IKZF3: variants seen among roughly 807,000 people sequenced by gnomAD.
IKZF3 encodes the protein zinc finger protein Aiolos.
A neutral mutation model predicts 49.0 loss-of-function variants in IKZF3; 10 were observed. That is an observed-to-expected ratio of 0.20 (90% CI 0.13 to 0.35). The LOEUF (loss-of-function observed/expected upper bound fraction) is 0.35. Ranked by LOEUF, IKZF3 falls within the 10% of genes least tolerant of loss-of-function variation. The probability of loss-of-function intolerance (pLI) is 1.00; values close to 1 mark genes in which losing one functional copy is unlikely to be tolerated. For synonymous variants in IKZF3, 209 were observed against 228.2 expected, an observed-to-expected ratio of 0.92 and a Z score of 0.76; for missense variants, 498 against 664.8, an observed-to-expected ratio of 0.75 and a Z score of 2.76.
Position 39,777,643 on chromosome 17 carries a change from A to G in IKZF3, c.826+8T>C. Reference sequence around the variant, plus strand: ...TAACAACAGCAGGAAAAAGGTTTGTATTCTTACCAATGAATTTCTGAGGCA... The same window carrying G: ...TAACAACAGCAGGAAAAAGGTTTGTGTTCTTACCAATGAATTTCTGAGGCA... On this transcript the variant is annotated splice_region_variant and intron_variant, in intron 7 of 7. Transcript: ENST00000346872. 1 of 1,596,728 alleles carries G rather than the reference A, an allele frequency of 6.3e-7. No individual in the cohort carries two copies. Among genetic ancestry groups the G allele is most frequent in the Admixed American group, 1.7e-5 (1 of 59,828 alleles).
At chr17:39,801,099 GC>G (rs2061305412) in intron 3 of IKZF3, among the ~76,000 whole-genome samples, 2 of 152,168 alleles carry the variant, frequency 1.3e-5, no homozygotes, top group African/African-American at 4.8e-5. Flanking sequence ...CCTCAGGTCT[GC>G]CGGAGATATT....
At chr17:39,795,521 C>T (rs754039630) in intron 3 of IKZF3, among the ~76,000 whole-genome samples, 1 of 152,064 alleles carries the variant, frequency 6.6e-6, no homozygotes, top group African/African-American at 2.4e-5. Context: ...ATTCTCCTGC[C>T]TCAGCCTCCC....
chr17:39,832,322 GA>G (rs1010111323), intron 1 of IKZF3, among the ~76,000 whole-genome samples, 171 bp from the exon 2 acceptor site: 24 of 150,312 alleles, frequency 1.6e-4, no homozygotes, highest in Non-Finnish European at 2.8e-4. Context: ...CAAGGAGCAT[GA>G]AAAAAAAATA....
chr17:39,856,024 T>TGTACAATATAACATGTATATTGTAC (rs1568073517), intron 1 of IKZF3, among the ~76,000 whole-genome samples: 1 of 133,902 alleles, frequency 7.5e-6, no homozygotes, highest in East Asian at 2.0e-4. Flanking sequence ...GTATATTGTA[T>TGTACAATATAACATGTATATTGTAC]ATGTACAATA....
chr17:39,812,253 C>T (rs1287536609), intron 3 of IKZF3, among the ~76,000 whole-genome samples: 3 of 152,186 alleles, frequency 2.0e-5, no homozygotes, highest in African/African-American at 7.2e-5. Flanking sequence ...CGACACTATT[C>T]TCTTTCATGC....
At chr17:39,787,824 C>A (rs1381803379) in intron 6 of IKZF3, among the ~76,000 whole-genome samples, 2 of 152,224 alleles carry the variant, frequency 1.3e-5, no homozygotes, top group Non-Finnish European at 2.9e-5. Flanking sequence ...AGAGTAAAAG[C>A]CAAAGCCTTT....
rs1359421034 is a variant in IKZF3, at chr17:39,760,679, T to G, written c.*5111A>C. The G allele has an allele frequency of 6.6e-6, 1 of 152,132 alleles. No individual in the cohort carries two copies. Among genetic ancestry groups the G allele is most frequent in the Admixed American group, 6.6e-5 (1 of 15,264 alleles). 9.4% of individuals were successfully genotyped at this position (152,132 alleles called of 1,614,324 possible). ...GTAGGGCTTGGGGAGGTGGGGGTGG[T>G]ACAGGAAATAGGAGAATAATAGTGA... On this transcript the variant is annotated 3_prime_UTR_variant, in exon 8 of 8. Coordinates refer to ENST00000346872, the MANE Select transcript of IKZF3 (RefSeq NM_012481.5).
At chr17:39,862,884 A>G (rs2063252738) in intron 1 of IKZF3, among the ~76,000 whole-genome samples, 1 of 152,184 alleles carries the variant, frequency 6.6e-6, no homozygotes, top group African/African-American at 2.4e-5. Flanking sequence ...TGAATTTGGA[A>G]GTATTAACAT....
intron 1 of IKZF3, among the ~76,000 whole-genome samples, chr17:39,847,006 A>G (rs1482895238): frequency 6.6e-6 from 1 of 152,126 alleles, no homozygotes; most frequent in Non-Finnish European, 1.5e-5. Context: ...TAGTAAATGG[A>G]GTCCTTTATA....
chr17:39,843,775 C>T (rs1452496034), intron 1 of IKZF3, among the ~76,000 whole-genome samples: 2 of 150,962 alleles, frequency 1.3e-5, no homozygotes, highest in Non-Finnish European at 2.9e-5. Flanking sequence ...CCACTGCACT[C>T]CAGCCTGGGC....
intron 7 of IKZF3, among the ~76,000 whole-genome samples, chr17:39,772,728 T>C (rs1255957106): frequency 6.6e-6 from 1 of 152,200 alleles, no homozygotes; most frequent in East Asian, 1.9e-4. Context: ...ATGTCATCTG[T>C]TCTCATGGAG....
At chr17:39,806,454 A>T (rs529178433) in intron 3 of IKZF3, among the ~76,000 whole-genome samples, 6 of 152,330 alleles carry the variant, frequency 3.9e-5, no homozygotes, top group Non-Finnish European at 8.8e-5. Flanking sequence ...TTCACCAGGA[A>T]ATTATATGAA....
intron 1 of IKZF3, among the ~76,000 whole-genome samples, chr17:39,861,164 AC>A (rs1393731326): frequency 2.0e-5 from 3 of 152,340 alleles, no homozygotes; most frequent in African/African-American, 7.2e-5. Context: ...AAAACAAGAC[AC>A]AGTCTCTGTT....
At chr17:39,782,674 G>A (rs1458643212) in intron 6 of IKZF3, among the ~76,000 whole-genome samples, 1 of 152,108 alleles carries the variant, frequency 6.6e-6, no homozygotes, top group Non-Finnish European at 1.5e-5. Context: ...ACAAGATAAT[G>A]GGTTTAAATG....
intron 1 of IKZF3, among the ~76,000 whole-genome samples, chr17:39,841,062 A>C (rs2062450597): frequency 6.6e-6 from 1 of 152,158 alleles, no homozygotes; most frequent in African/African-American, 2.4e-5. Context: ...CTGTAGTCCC[A>C]GTCACTCGGG....
At chr17:39,770,700 T>C (rs1379969973) in intron 7 of IKZF3, among the ~76,000 whole-genome samples, 2 of 151,736 alleles carry the variant, frequency 1.3e-5, no homozygotes, top group African/African-American at 4.8e-5. Context: ...TTATATACAA[T>C]AATCCCAATA....
At chr17:39,811,370 AGAAGGAAGGAAG>A (rs539143313) in intron 3 of IKZF3, among the ~76,000 whole-genome samples, 1 of 150,982 alleles carries the variant, frequency 6.6e-6, no homozygotes, top group African/African-American at 2.4e-5. Flanking sequence ...AGGGAAAGAA[AGAAGGAAGGAAG>A]GAAGGAAGAA....
At chr17:39,788,062 C>T (rs2060915386) in intron 6 of IKZF3, among the ~76,000 whole-genome samples, 196 bp downstream of exon 6, 3 of 152,250 alleles carry the variant, frequency 2.0e-5, no homozygotes, top group Non-Finnish European at 2.9e-5. Flanking sequence ...CTCACCCTCA[C>T]TCCTCAGCAA....
chr17:39,761,125 T>C lies in IKZF3; in HGVS notation c.*4665A>G, dbSNP rs2060173148. ...TTTTATATCTGGCCGATTTTGAGTA[T>C]GGGCCTAACAAAATGTTAAGCACTG... On this transcript the variant is annotated 3_prime_UTR_variant, in exon 8 of 8. Transcript: ENST00000346872. 6.6e-6 allele frequency: 1 copy of C among 152,012 alleles called. No homozygotes were observed. Among genetic ancestry groups the C allele is most frequent in the Non-Finnish European group, 1.5e-5 (1 of 67,998 alleles). The allele number at this position is 152,012 out of a possible 1,614,324, so 9.4% of individuals were successfully genotyped here. A position where few individuals can be genotyped will look rare whatever the true frequency, so the allele number is the denominator to read the frequency against.
Sources: gnomAD v4.1 joint callset for allele counts (sites outside exome capture counted in the v4.1 genomes callset) on GRCh38, gnomAD v4.1.1 for gene constraint, MANE v1.5 for transcripts, NCBI Gene and HGNC (gene_info 2026-07-23, HGNC 2026-07-21) for gene names.